OR1M1: variants seen among roughly 807,000 people sequenced by gnomAD.
OR1M1 encodes the protein olfactory receptor family 1 subfamily M member 1.
For synonymous variants in OR1M1, 157 were observed against 165.5 expected (o/e 0.95, Z 0.39); for missense variants, 397 against 401.8 (o/e 0.99, Z 0.10).
intron 1 of OR1M1, among the ~76,000 whole-genome samples, chr19:9,092,795 T>C (rs1568296838): frequency 6.6e-6 from 1 of 150,760 alleles, no homozygotes; most frequent in South Asian, 2.1e-4. Context: ...CAGCTACTCA[T>C]GAGGCTGAGG....
intron 1 of OR1M1, among the ~76,000 whole-genome samples, chr19:9,088,656 C>T (rs111439037): frequency 0.018 from 2,811 of 152,132 alleles, 80 homozygotes; most frequent in African/African-American, 0.063. Flanking sequence ...AAGGCCGAGG[C>T]GGGCGGATCA....
chr19:9,090,184 GTCACAAA>G (rs2050285061), intron 1 of OR1M1, among the ~76,000 whole-genome samples: 2 of 152,114 alleles, frequency 1.3e-5, no homozygotes, highest in Admixed American at 6.6e-5. Context: ...CAAGATGCTG[GTCACAAA>G]AATGAACAAA....
chr19:9,088,371 G>A (rs561377983), intron 1 of OR1M1, among the ~76,000 whole-genome samples: 1 of 152,278 alleles, frequency 6.6e-6, no homozygotes, highest in East Asian at 1.9e-4. Flanking sequence ...GATAGGATAG[G>A]ACTGGTGCTT....
chr19:9,093,354 T>G lies in OR1M1; in HGVS notation c.110T>G (p.Val37Gly). 6.2e-7 allele frequency: 1 copy of G among 1,613,908 alleles called. No individual in the cohort carries two copies. The highest frequency in any genetic ancestry group is 8.5e-7 in the Non-Finnish European group (1 of 1,179,956). The change falls in exon 2 of 2, where the codon GTC becomes GGC. Residue 37 changes from valine (V) to glycine (G), a missense_variant. By Grantham distance (109) the Val-to-Gly change is moderately radical. Transcript: ENST00000641627. ...TCCCTGTTCTTCTGCATGTACCTGG[T>G]CATGGTCGTGGGGAACCTGCTCATC... Reference protein sequence around the residue: ...LFSLFFCMYLVMVVGNLLIIL... With the variant: ...LFSLFFCMYLGMVVGNLLIIL...
rs768588927 is a variant in OR1M1, at chr19:9,093,590, G to A, written c.346G>A (p.Ala116Thr). 2.6e-5 allele frequency: 42 copies of A among 1,613,890 alleles called. No homozygotes were observed. The Admixed American group carries it at 3.8e-4, about 15-fold the overall frequency. Residue 116 changes from alanine (A) to threonine (T), a missense_variant, in exon 2 of 2, where the codon GCC becomes ACC. By Grantham distance (58) the Ala-to-Thr change is moderately conservative. Coordinates refer to ENST00000641627, the MANE Select transcript of OR1M1 (RefSeq NM_001004456.2). ...FFGIVDSVII[A>T]MMAYDRFVAI... is the part of the protein sequence containing the mutation. ...TGGCATCGTGGACAGCGTCATAATC[G>A]CCATGATGGCTTATGACCGGTTCGT...
chr19:9,087,400 C>G (rs993702155), intron 1 of OR1M1, among the ~76,000 whole-genome samples: 4 of 152,138 alleles, frequency 2.6e-5, no homozygotes, highest in African/African-American at 7.2e-5. Context: ...GCCTCAGCCT[C>G]TAGAGTAGCT....
intron 1 of OR1M1, 63 bp from the exon 2 acceptor site, chr19:9,093,169 G>T: frequency 1.1e-6 from 1 of 923,946 alleles, no homozygotes; most frequent in Non-Finnish European, 1.7e-6. Flanking sequence ...GGATGTGATC[G>T]CATCTAACTT....
Position 9,094,320 on chromosome 19 carries a change from C to A in OR1M1, c.*134C>A. 1.7e-6 allele frequency: 1 copy of A among 598,938 alleles called. No homozygotes were observed. Among genetic ancestry groups the A allele is most frequent in the Non-Finnish European group, 2.9e-6 (1 of 344,388 alleles). The allele number at this position is 598,938 out of a possible 1,614,324, so 37.1% of individuals were successfully genotyped here. On this transcript the variant is annotated 3_prime_UTR_variant, in exon 2 of 2. Transcript: ENST00000641627. Reference sequence around the variant, plus strand: ...TATTATTATTATTTAGAGATGGGGTCTCACTATGTTGCCCGTGCTGGAGTG... The same window carrying A: ...TATTATTATTATTTAGAGATGGGGTATCACTATGTTGCCCGTGCTGGAGTG...
intron 1 of OR1M1, among the ~76,000 whole-genome samples, chr19:9,092,204 C>T (rs2050297038): frequency 6.7e-6 from 1 of 149,756 alleles, no homozygotes; most frequent in African/African-American, 2.5e-5. Flanking sequence ...ACAGATGGGA[C>T]CCATCGTGCC....
chr19:9,091,102 G>A (rs1020374953), intron 1 of OR1M1, among the ~76,000 whole-genome samples: 1 of 151,956 alleles, frequency 6.6e-6, no homozygotes, highest in African/African-American at 2.4e-5. Flanking sequence ...GGGAGGCGGA[G>A]CTTGCAGTGA....
Position 9,094,496 on chromosome 19 carries a change from A to AT in OR1M1, c.*312dup, listed in dbSNP as rs2145906200. The AT allele has an allele frequency of 4.2e-6, 1 of 235,406 alleles. No homozygotes were observed. Among genetic ancestry groups the AT allele is most frequent in the East Asian group, 9.4e-5 (1 of 10,632 alleles). 14.6% of individuals were successfully genotyped at this position (235,406 alleles called of 1,614,324 possible). ...CCCCTCAGCCTCCTAACATCCTAGG[A>AT]TTACAGGTGTGAGCTACCACGCCGA... On this transcript the variant is annotated 3_prime_UTR_variant, in exon 2 of 2. Coordinates refer to ENST00000641627, the MANE Select transcript of OR1M1 (RefSeq NM_001004456.2).
intron 1 of OR1M1, 28 bp downstream of exon 1, chr19:9,087,185 G>C (rs2050269483): frequency 6.6e-6 from 1 of 152,044 alleles, no homozygotes; most frequent in South Asian, 2.1e-4. Flanking sequence ...GAGAGAGAGA[G>C]AGAGAGACTG....
chr19:9,092,815 C>A (rs1227771410), intron 1 of OR1M1, among the ~76,000 whole-genome samples: 1 of 151,570 alleles, frequency 6.6e-6, no homozygotes, highest in Non-Finnish European at 1.5e-5. Flanking sequence ...GCAGGAGAAT[C>A]ACTTGAACCC....
In OR1M1 at chr19:9,094,296, A is replaced by T; in HGVS notation, c.*110A>T. 9 of 623,758 alleles carry T rather than the reference A, an allele frequency of 1.4e-5. No homozygotes were observed. Among genetic ancestry groups the T allele is most frequent in the Non-Finnish European group, 1.9e-5 (7 of 364,932 alleles). The allele number at this position is 623,758 out of a possible 1,614,324, so 38.6% of individuals were successfully genotyped here. A position where few individuals can be genotyped will look rare whatever the true frequency, so the allele number is the denominator to read the frequency against. On this transcript the variant is annotated 3_prime_UTR_variant, in exon 2 of 2. Transcript: ENST00000641627. Reference sequence around the variant, plus strand: ...AGTAGGCACTTTGAATTTTATTATTATTATTATTATTTAGAGATGGGGTCT... The same window carrying T: ...AGTAGGCACTTTGAATTTTATTATTTTTATTATTATTTAGAGATGGGGTCT...
rs928271383 is a variant in OR1M1 at position 9,094,656 on chromosome 19, C to T, written c.*470C>T. ...CCTGGCTGAAGCAATCCTCCCACCT[C>T]AGCCTTCCGAGTAGCTAGGACCATA... is the stretch of plus-strand genomic sequence containing the variant. On this transcript the variant is annotated 3_prime_UTR_variant, in exon 2 of 2. Coordinates refer to ENST00000641627, the MANE Select transcript of OR1M1 (RefSeq NM_001004456.2). The T allele has an allele frequency of 6.3e-6, 1 of 158,416 alleles. No individual in the cohort carries two copies. Among genetic ancestry groups the T allele is most frequent in the African/African-American group, 2.4e-5 (1 of 41,344 alleles). 9.8% of individuals were successfully genotyped at this position (158,416 alleles called of 1,614,324 possible). A position where few individuals can be genotyped will look rare whatever the true frequency, so the allele number is the denominator to read the frequency against.
Position 9,094,240 on chromosome 19 carries a change from G to A in OR1M1, c.*54G>A. On this transcript the variant is annotated 3_prime_UTR_variant, in exon 2 of 2. Coordinates refer to ENST00000641627, the MANE Select transcript of OR1M1 (RefSeq NM_001004456.2). ...TAGAATATATACATCTGGGAGTCTT[G>A]GGCTAACATCTGGAATTGCATGAGT... The A allele has an allele frequency of 9.5e-7, 1 of 1,055,426 alleles. No individual in the cohort carries two copies. Among genetic ancestry groups the A allele is most frequent in the Non-Finnish European group, 1.4e-6 (1 of 727,280 alleles). 65.4% of individuals were successfully genotyped at this position (1,055,426 alleles called of 1,614,324 possible). A position where few individuals can be genotyped will look rare whatever the true frequency, so the allele number is the denominator to read the frequency against.
chr19:9,093,876 TTGTC>T lies in OR1M1; in HGVS notation c.635_638del (p.Val212AlafsTer14), dbSNP rs2050311354. 1.9e-6 allele frequency: 3 copies of T among 1,614,122 alleles called. No homozygotes were observed. The highest frequency in any genetic ancestry group is 2.5e-6 in the Non-Finnish European group (3 of 1,180,032). On this transcript the variant is annotated frameshift_variant, in exon 2 of 2. Transcript: ENST00000641627. LOFTEE classifies it low-confidence loss of function (END_TRUNC). Reference sequence around the variant, plus strand: ...GCAGGGATGGTGATAGCCACGCCCTTTGTCTGCATCCTGGCCTCCTATGCTCGCA... The same window carrying T: ...GCAGGGATGGTGATAGCCACGCCCTTTGCATCCTGGCCTCCTATGCTCGCA...
At chr19:9,092,666 C>T (rs1456956248) in intron 1 of OR1M1, among the ~76,000 whole-genome samples, 2 of 151,810 alleles carry the variant, frequency 1.3e-5, no homozygotes, top group African/African-American at 2.4e-5. Flanking sequence ...CTTTGGGAGG[C>T]CGAGGTGGGC....
intron 1 of OR1M1, among the ~76,000 whole-genome samples, chr19:9,092,843 G>T (rs563098494): frequency 2.0e-5 from 3 of 151,618 alleles, no homozygotes; most frequent in Non-Finnish European, 2.9e-5. Context: ...AGAGGTTGCA[G>T]TGAGCAGAGA....
Sources: gnomAD v4.1 joint callset for allele counts (sites outside exome capture counted in the v4.1 genomes callset) on GRCh38, gnomAD v4.1.1 for gene constraint, MANE v1.5 for transcripts, NCBI Gene and HGNC (gene_info 2026-07-23, HGNC 2026-07-21) for gene names.